The following USH2A variants were observed in gnomAD, a reference collection of about 807,000 sequenced individuals.
USH2A encodes the protein usherin.
In USH2A, 443 loss-of-function variants were observed where a neutral mutation model predicts 538.9. That is an observed-to-expected ratio of 0.82 (90% confidence interval 0.76 to 0.89). The LOEUF (loss-of-function observed/expected upper bound fraction) is 0.89. Among genes scored for constraint, USH2A ranks in the 40% least tolerant of loss-of-function variants. The pLI is 0.00. For synonymous variants in USH2A, 2,413 were observed against 2,273.5 expected (o/e 1.06, Z -1.75); for missense variants, 6,633 against 6,324.8 (o/e 1.05, Z -1.65).
intron 40 of USH2A, among the ~76,000 whole-genome samples, chr1:215,891,717 CTA>C (rs1398769345): frequency 6.6e-6 from 1 of 152,176 alleles, no homozygotes; most frequent in African/African-American, 2.4e-5. Flanking sequence ...CTTAAAATCT[CTA>C]TATATCACAA....
chr1:215,914,012 A>T (rs1040942999), intron 38 of USH2A, among the ~76,000 whole-genome samples: 1 of 151,740 alleles, frequency 6.6e-6, no homozygotes, highest in Non-Finnish European at 1.5e-5. Flanking sequence ...AAGGAAAAAG[A>T]TCAGTGAACT....
At chr1:216,251,139 T>C (rs1340605252) in intron 11 of USH2A, 41 bp from the exon 12 acceptor site, 2 of 1,604,970 alleles carry the variant, frequency 1.2e-6, no homozygotes, top group Non-Finnish European at 1.7e-6. Context: ...TGAACGTATC[T>C]ATTTTTAGAT....
intron 61 of USH2A, among the ~76,000 whole-genome samples, chr1:215,710,304 G>A (rs934189265): frequency 6.6e-6 from 1 of 152,176 alleles, no homozygotes; most frequent in African/African-American, 2.4e-5. Context: ...ACCAAAGCAC[G>A]TAGCCACCAT....
At chr1:215,757,366 G>A (rs190564217) in intron 58 of USH2A, among the ~76,000 whole-genome samples, 19 of 152,190 alleles carry the variant, frequency 1.2e-4, no homozygotes, top group African/African-American at 4.1e-4. Flanking sequence ...AGGTCTTTAC[G>A]CTCTCTTTAT....
intron 61 of USH2A, among the ~76,000 whole-genome samples, chr1:215,692,143 G>A (rs1658634498): frequency 1.3e-5 from 2 of 152,216 alleles, no homozygotes; most frequent in Admixed American, 1.3e-4. Flanking sequence ...CATAGGAAGA[G>A]CTCTTGATTT....
Position 215,970,854 on chromosome 1 carries a change from A to G in USH2A, c.6806-78T>C. 3.6e-6 allele frequency: 5 copies of G among 1,400,060 alleles called. No individual in the cohort carries two copies. In the South Asian group the frequency reaches 5.8e-5, roughly 16 times the overall value. The allele number at this position is 1,400,060 out of a possible 1,614,324, so 86.7% of individuals were successfully genotyped here. A position where few individuals can be genotyped will look rare whatever the true frequency, so the allele number is the denominator to read the frequency against. ...GGTCTTAAGAAAGCAAGCACTCTTG[A>G]TGTGATTTCTAGTTTCATGGAATCA... On this transcript the variant is annotated intron_variant, in intron 35 of 71. Coordinates refer to ENST00000307340, the MANE Select transcript of USH2A (RefSeq NM_206933.4).
intron 21 of USH2A, among the ~76,000 whole-genome samples, chr1:216,139,444 A>T (rs2033557819): frequency 6.6e-6 from 1 of 152,022 alleles, no homozygotes; most frequent in Non-Finnish European, 1.5e-5. Context: ...AAAAGAAAAA[A>T]TTCATTTTCT....
Position 216,190,355 on chromosome 1 carries a change from C to G in USH2A, c.4264G>C (p.Ala1422Pro). 1 of 1,611,410 alleles carries G rather than the reference C, an allele frequency of 6.2e-7. No individual in the cohort carries two copies. Among genetic ancestry groups the G allele is most frequent in the South Asian group, 1.1e-5 (1 of 91,030 alleles). ...GTGTAAGATAGTTCTTGGGATTTAG[C>G]AGTGTGCAACAGCTTCAAGGCAAAA... Reference protein sequence around the residue: ...PMAFSQLLHTAKSQELSYTVE... With the variant: ...PMAFSQLLHTPKSQELSYTVE... Residue 1422 changes from alanine to proline, a missense_variant, in exon 20 of 72, where the codon GCT becomes CCT. Transcript: ENST00000307340.
chr1:216,150,002 AC>A (rs2033801089), intron 21 of USH2A, among the ~76,000 whole-genome samples: 1 of 152,006 alleles, frequency 6.6e-6, no homozygotes, highest in Admixed American at 6.6e-5. Context: ...AACAGTAATA[AC>A]CCTTATGAGC....
chr1:216,335,660 T>C (rs1326038257), intron 4 of USH2A, among the ~76,000 whole-genome samples: 1 of 151,484 alleles, frequency 6.6e-6, no homozygotes, highest in African/African-American at 2.4e-5. Flanking sequence ...ATGCCAAAAA[T>C]TAGACAACCT....
intron 68 of USH2A, 100 bp downstream of exon 68, chr1:215,640,458 T>C: frequency 6.7e-7 from 1 of 1,501,904 alleles, no homozygotes; most frequent in Non-Finnish European, 9.2e-7. Flanking sequence ...CCAAGACATT[T>C]TAATGGTGAG....
intron 14 of USH2A, among the ~76,000 whole-genome samples, chr1:216,225,603 C>T (rs1328138730): frequency 1.3e-5 from 2 of 152,128 alleles, no homozygotes; most frequent in African/African-American, 4.8e-5. Context: ...CTCTTGCTTT[C>T]CATAGCACTT....
At chr1:215,658,156 C>T (rs567082586) in intron 64 of USH2A, among the ~76,000 whole-genome samples, 50 of 151,972 alleles carry the variant, frequency 3.3e-4, no homozygotes, top group African/African-American at 1.1e-3. Context: ...AGGATGGTCT[C>T]GATCTCCTGA....
At chr1:215,884,552 T>C (rs949225648) in intron 41 of USH2A, among the ~76,000 whole-genome samples, 1 of 152,224 alleles carries the variant, frequency 6.6e-6, no homozygotes. Context: ...ATAGCATCTA[T>C]CTGACACAGT....
chr1:215,763,891 C>G (rs1661055876), intron 56 of USH2A, among the ~76,000 whole-genome samples: 2 of 151,778 alleles, frequency 1.3e-5, no homozygotes, highest in African/African-American at 4.8e-5. Flanking sequence ...AGATTTAAAA[C>G]TAATTAGATT....
At position 215,659,224 on chromosome 1, in the gene USH2A, C is replaced by CCAT. The variant is rs1657364983; in HGVS notation, c.14134-8426_14134-8424dup. Among the ~76,000 whole-genome samples, 5 of 152,216 alleles carry CCAT rather than the reference C, an allele frequency of 3.3e-5. No individual in the cohort carries two copies. In the South Asian group the frequency reaches 1.0e-3, roughly 32 times the overall value. On this transcript the variant is annotated intron_variant, in intron 64 of 71. Transcript: ENST00000307340. ...TCCAGGAGGTTCTCTCAACAGATGA[C>CCAT]CATCAAGCTGGGAAACAATTGGCAG...
At chr1:216,009,694 G>A (rs964716555) in intron 32 of USH2A, among the ~76,000 whole-genome samples, 3 of 151,796 alleles carry the variant, frequency 2.0e-5, no homozygotes, top group African/African-American at 4.8e-5. Flanking sequence ...ACTGCTCCTC[G>A]CCAGGCCAAG....
intron 64 of USH2A, among the ~76,000 whole-genome samples, chr1:215,670,049 G>A (rs1270581733): frequency 6.6e-6 from 1 of 152,210 alleles, no homozygotes; most frequent in Admixed American, 6.5e-5. Context: ...TTAAGCAAAT[G>A]AGAATTTACT....
chr1:216,006,099 A>G (rs1668384603), intron 32 of USH2A, among the ~76,000 whole-genome samples: 1 of 152,174 alleles, frequency 6.6e-6, no homozygotes, highest in South Asian at 2.1e-4. Context: ...AACATCCTCA[A>G]TAATGACTCA....
Sources: gnomAD v4.1 joint callset for allele counts (sites outside exome capture counted in the v4.1 genomes callset) on GRCh38, gnomAD v4.1.1 for gene constraint, MANE v1.5 for transcripts, NCBI Gene and HGNC (gene_info 2026-07-23, HGNC 2026-07-21) for gene names.